ZFP36: variants seen among roughly 807,000 people sequenced by gnomAD.
ZFP36 encodes ZFP36 zinc finger CCCH-type, also known as mRNA decay activator protein ZFP36.
In ZFP36, 13 loss-of-function variants were observed where a neutral mutation model predicts 19.8. That is an observed-to-expected ratio of 0.66 (90% confidence interval 0.43 to 1.04). The LOEUF is 1.04. Ranked by LOEUF, ZFP36 falls within the 50% of genes least tolerant of loss-of-function variation. The probability of loss-of-function intolerance (pLI) is 0.00; values close to 1 mark genes in which losing one functional copy is unlikely to be tolerated. For synonymous variants in ZFP36, 191 were observed against 194.5 expected (o/e 0.98, Z 0.15); for missense variants, 354 against 441.6 (o/e 0.80, Z 1.78).
rs747038570 is a variant in ZFP36 at position 39,408,531 on chromosome 19, C to A, written c.813C>A (p.Thr271=). Residue 271 remains threonine, a synonymous_variant, in exon 2 of 2, where the codon ACC becomes ACA. Coordinates refer to ENST00000597629, the MANE Select transcript of ZFP36 (RefSeq NM_003407.5). This position sits in a 1 kb window ranked among gnomAD's most constrained non-coding sequence, Gnocchi z 6.0. ...VWGPLGGLVR[T]PSVQSLGSDP... ...GGCCCTTGGGTGGCCTGGTTCGGAC[C>A]CCCTCTGTACAGTCCCTGGGATCCG... 8 of 1,605,644 alleles carry A rather than the reference C, an allele frequency of 5.0e-6. No homozygotes were observed. The highest frequency in any genetic ancestry group is 6.0e-6 in the Non-Finnish European group (7 of 1,175,820).
In ZFP36 at chr19:39,408,180, CCGCTGCCCCTACGGCTCT is replaced by C; in HGVS notation, c.470_487del (p.Pro157_Cys162del). On this transcript the variant is annotated inframe_deletion, in exon 2 of 2. Coordinates refer to ENST00000597629, the MANE Select transcript of ZFP36 (RefSeq NM_003407.5). The surrounding 1 kb of genome is among the most constrained non-coding windows in gnomAD (Gnocchi z 6.0). ...TCTGTCACAAGTTCTACCTCCAGGG[CCGCTGCCCCTACGGCTCT>C]CGCTGCCACTTCATCCACAACCCTA... 1 of 1,613,944 alleles carries C rather than the reference CCGCTGCCCCTACGGCTCT, an allele frequency of 6.2e-7. No individual in the cohort carries two copies. The highest frequency in any genetic ancestry group is 8.5e-7 in the Non-Finnish European group (1 of 1,180,026).
At position 39,408,405 on chromosome 19, in the gene ZFP36, C is replaced by T. The variant is rs747036259; in HGVS notation, c.687C>T (p.Pro229=). 1.2e-5 allele frequency: 20 copies of T among 1,613,922 alleles called. No homozygotes were observed. The South Asian group carries it at 2.0e-4, about 16-fold the overall frequency. ...PPPPGDLPLS[P]SAFSAAPGTP... ...CACCTGGGGACCTTCCACTGTCACC[C>T]TCTGCCTTCTCTGCTGCCCCTGGCA... is the stretch of plus-strand genomic sequence containing the variant. The change falls in exon 2 of 2, where the codon CCC becomes CCT. Residue 229 remains proline (P), a synonymous_variant. Coordinates refer to ENST00000597629, the MANE Select transcript of ZFP36 (RefSeq NM_003407.5). This position sits in a 1 kb window ranked among gnomAD's most constrained non-coding sequence, Gnocchi z 6.0.
In ZFP36 at chr19:39,407,939, C is replaced by T; in HGVS notation, c.221C>T (p.Pro74Leu). ...AGCTGTGGCTGGGTGCCCCCACCCC[C>T]TGGCTTCGCACCGCTGGCTCCCCGC... The part of the protein sequence containing the change: ...GRSCGWVPPP[P>L]GFAPLAPRLG... The change falls in exon 2 of 2, where the codon CCT (proline) becomes CTT (leucine). Residue 74 changes from proline (P) to leucine (L), a missense_variant. Transcript: ENST00000597629. The surrounding 1 kb of genome is among the most constrained non-coding windows in gnomAD (Gnocchi z 7.6). 1.3e-6 allele frequency: 2 copies of T among 1,596,898 alleles called. No homozygotes were observed. The highest frequency in any genetic ancestry group is 2.2e-5 in the East Asian group (1 of 44,772).
rs1164319272 is a variant in ZFP36, at chr19:39,406,848, G to A, written c.-57G>A. ...TAGCCGGCTCTCGGTGCCAGCCTCA[G>A]CCTGACTTCAGCGCTCCCACTCTCG... On this transcript the variant is annotated 5_prime_UTR_variant, in exon 1 of 2. Coordinates refer to ENST00000597629, the MANE Select transcript of ZFP36 (RefSeq NM_003407.5). The A allele has an allele frequency of 3.9e-6, 6 of 1,536,674 alleles. No homozygotes were observed. The highest frequency in any genetic ancestry group is 5.3e-6 in the Non-Finnish European group (6 of 1,139,538).
chr19:39,408,061 AGT>A lies in ZFP36; in HGVS notation c.345_346del (p.Ser115ArgfsTer54). 1 of 1,613,916 alleles carries A rather than the reference AGT, an allele frequency of 6.2e-7. No individual in the cohort carries two copies. Among genetic ancestry groups the A allele is most frequent in the Non-Finnish European group, 8.5e-7 (1 of 1,180,008 alleles). ...TGAGCTATGTCGGACCTTCTCAGAG[AGT>A]GGGCGCTGCCGCTACGGGGCCAAGT... Reference protein sequence around the residue: ...KTELCRTFSESGRCRYGAKCQ... With the variant: ...KTELCRTFSEXGRCRYGAKCQ... On this transcript the variant is annotated frameshift_variant, in exon 2 of 2. Coordinates refer to ENST00000597629, the MANE Select transcript of ZFP36 (RefSeq NM_003407.5). LOFTEE classifies it high-confidence loss of function. The surrounding 1 kb of genome is among the most constrained non-coding windows in gnomAD (Gnocchi z 6.0).
chr19:39,408,074 G>A lies in ZFP36; in HGVS notation c.356G>A (p.Arg119His), dbSNP rs1373397055. 3 of 1,613,848 alleles carry A rather than the reference G, an allele frequency of 1.9e-6. No homozygotes were observed. Among genetic ancestry groups the A allele is most frequent in the South Asian group, 1.1e-5 (1 of 91,094 alleles). ...ACCTTCTCAGAGAGTGGGCGCTGCC[G>A]CTACGGGGCCAAGTGCCAGTTTGCC... Reference protein sequence around the residue: ...CRTFSESGRCRYGAKCQFAHG... With the variant: ...CRTFSESGRCHYGAKCQFAHG... The change falls in exon 2 of 2, where the codon CGC becomes CAC. Residue 119 changes from arginine to histidine, a missense_variant. By Grantham distance (29) the Arg-to-His change is conservative. Transcript: ENST00000597629. The surrounding 1 kb of genome is among the most constrained non-coding windows in gnomAD (Gnocchi z 6.0).
chr19:39,408,606 T>TC lies in ZFP36; in HGVS notation c.891dup (p.Val298ArgfsTer29). The TC allele has an allele frequency of 6.2e-7, 1 of 1,612,402 alleles. No individual in the cohort carries two copies. Among genetic ancestry groups the TC allele is most frequent in the Non-Finnish European group, 8.5e-7 (1 of 1,179,332 alleles). ...GCAGCAGCCTGGGGGGCTCTGACTC[T>TC]CCCGTCTTCGAGGCGGGAGTTTTTG... On this transcript the variant is annotated frameshift_variant, in exon 2 of 2. Coordinates refer to ENST00000597629, the MANE Select transcript of ZFP36 (RefSeq NM_003407.5). LOFTEE classifies it high-confidence loss of function. This position sits in a 1 kb window ranked among gnomAD's most constrained non-coding sequence, Gnocchi z 6.0.
Position 39,408,600 on chromosome 19 carries a change from T to C in ZFP36, c.882T>C (p.Ser294=), listed in dbSNP as rs1271907106. The change falls in exon 2 of 2, where the codon TCT becomes TCC. Residue 294 remains serine, a synonymous_variant. Coordinates refer to ENST00000597629, the MANE Select transcript of ZFP36 (RefSeq NM_003407.5). The surrounding 1 kb of genome is among the most constrained non-coding windows in gnomAD (Gnocchi z 6.0). ...YASSGSSLGG[S]DSPVFEAGVF... ...GCAGCGGCAGCAGCCTGGGGGGCTC[T>C]GACTCTCCCGTCTTCGAGGCGGGAG... 1 of 1,613,116 alleles carries C rather than the reference T, an allele frequency of 6.2e-7. No individual in the cohort carries two copies. Among genetic ancestry groups the C allele is most frequent in the South Asian group, 1.1e-5 (1 of 91,010 alleles).
Position 39,407,721 on chromosome 19 carries a change from C to T in ZFP36, c.25-22C>T, listed in dbSNP as rs200091452. 325 of 1,511,920 alleles carry T rather than the reference C, an allele frequency of 2.1e-4. No individual in the cohort carries two copies. Among genetic ancestry groups the T allele is most frequent in the Admixed American group, 2.9e-4 (13 of 45,196 alleles). 93.7% of individuals were successfully genotyped at this position (1,511,920 alleles called of 1,614,324 possible). ...GGCGTCGCCCTGCATTTTCAGGTGC[C>T]TTAACCGACCCATTTCCGCAGAGCC... On this transcript the variant is annotated intron_variant, in intron 1 of 1. Coordinates refer to ENST00000597629, the MANE Select transcript of ZFP36 (RefSeq NM_003407.5). This position sits in a 1 kb window ranked among gnomAD's most constrained non-coding sequence, Gnocchi z 7.6.
rs2078482474 is a variant in ZFP36, at chr19:39,407,375, C to T, written c.25-368C>T. The T allele has an allele frequency of 7.2e-6, 3 of 414,798 alleles. No homozygotes were observed. In the Admixed American group the frequency reaches 1.2e-4, roughly 17 times the overall value. 25.7% of individuals were successfully genotyped at this position (414,798 alleles called of 1,614,324 possible). A position where few individuals can be genotyped will look rare whatever the true frequency, so the allele number is the denominator to read the frequency against. On this transcript the variant is annotated intron_variant, in intron 1 of 1. Coordinates refer to ENST00000597629, the MANE Select transcript of ZFP36 (RefSeq NM_003407.5). This position sits in a 1 kb window ranked among gnomAD's most constrained non-coding sequence, Gnocchi z 7.6. ...AGAGAACCCTAAAACCGAAGCAATC[C>T]GGACTTCCAGGTCAACTTTGCCCGG...
chr19:39,407,993 C>G lies in ZFP36; in HGVS notation c.275C>G (p.Thr92Ser). The change falls in exon 2 of 2, where the codon ACT becomes AGT. Residue 92 changes from threonine to serine, a missense_variant. Thr to Ser is a moderately conservative substitution (Grantham distance 58). Coordinates refer to ENST00000597629, the MANE Select transcript of ZFP36 (RefSeq NM_003407.5). This position sits in a 1 kb window ranked among gnomAD's most constrained non-coding sequence, Gnocchi z 7.6. ...RLGPELSPSP[T>S]SPTATSTTPS... ...GGCCCTGAGCTGTCACCCTCACCCACTTCGCCCACTGCAACCTCCACCACC... is the reference window on the plus strand; with the variant it reads ...GGCCCTGAGCTGTCACCCTCACCCAGTTCGCCCACTGCAACCTCCACCACC... The G allele has an allele frequency of 5.0e-6, 8 of 1,610,434 alleles. No individual in the cohort carries two copies. Among genetic ancestry groups the G allele is most frequent in the Non-Finnish European group, 6.8e-6 (8 of 1,179,776 alleles).
Position 39,408,340 on chromosome 19 carries a change from C to T in ZFP36, c.622C>T (p.Leu208=), listed in dbSNP as rs757928964. ...ACCACCAGGCCTGGCCGGCCCTTCC[C>T]TGTCCTCCAGCTCCTTCTCGCCCTC... is the stretch of plus-strand genomic sequence containing the variant. ...PPPPGLAGPS[L]SSSSFSPSSS... Residue 208 remains leucine (L), a synonymous_variant, in exon 2 of 2, where the codon CTG becomes TTG. Coordinates refer to ENST00000597629, the MANE Select transcript of ZFP36 (RefSeq NM_003407.5). The surrounding 1 kb of genome is among the most constrained non-coding windows in gnomAD (Gnocchi z 6.0). 1 of 1,613,660 alleles carries T rather than the reference C, an allele frequency of 6.2e-7. No individual in the cohort carries two copies. The highest frequency in any genetic ancestry group is 1.7e-5 in the Admixed American group (1 of 60,020).
Position 39,406,861 on chromosome 19 carries a change from G to A in ZFP36, c.-44G>A. ...GTGCCAGCCTCAGCCTGACTTCAGC[G>A]CTCCCACTCTCGGCCGACACCCCTC... On this transcript the variant is annotated 5_prime_UTR_variant, in exon 1 of 2. Transcript: ENST00000597629. The A allele has an allele frequency of 2.5e-6, 4 of 1,585,870 alleles. No homozygotes were observed. Among genetic ancestry groups the A allele is most frequent in the Non-Finnish European group, 2.6e-6 (3 of 1,168,560 alleles).
Position 39,408,096 on chromosome 19 carries a change from TGCCCATGGCCTG to T in ZFP36, c.380_391del (p.Ala127_Leu130del). On this transcript the variant is annotated inframe_deletion, in exon 2 of 2. Coordinates refer to ENST00000597629, the MANE Select transcript of ZFP36 (RefSeq NM_003407.5). This position sits in a 1 kb window ranked among gnomAD's most constrained non-coding sequence, Gnocchi z 6.0. ...GCCGCTACGGGGCCAAGTGCCAGTTTGCCCATGGCCTGGGCGAGCTGCGCCAGGCCAATCGCC... is the reference window on the plus strand; with the variant it reads ...GCCGCTACGGGGCCAAGTGCCAGTTTGGCGAGCTGCGCCAGGCCAATCGCC... 6.2e-7 allele frequency: 1 copy of T among 1,613,968 alleles called. No individual in the cohort carries two copies. The highest frequency in any genetic ancestry group is 8.5e-7 in the Non-Finnish European group (1 of 1,180,032).
rs201045980 is a variant in ZFP36, at chr19:39,407,735, T to A, written c.25-8T>A. The A allele has an allele frequency of 1.2e-4, 179 of 1,521,318 alleles. No homozygotes were observed. The highest frequency in any genetic ancestry group is 1.5e-4 in the Non-Finnish European group (173 of 1,140,540). 94.2% of individuals were successfully genotyped at this position (1,521,318 alleles called of 1,614,324 possible). A position where few individuals can be genotyped will look rare whatever the true frequency, so the allele number is the denominator to read the frequency against. ...TTTTCAGGTGCCTTAACCGACCCAT[T>A]TCCGCAGAGCCTCCTGTCGCTGAGC... On this transcript the variant is annotated splice_polypyrimidine_tract_variant and splice_region_variant and intron_variant, in intron 1 of 1. Coordinates refer to ENST00000597629, the MANE Select transcript of ZFP36 (RefSeq NM_003407.5). This position sits in a 1 kb window ranked among gnomAD's most constrained non-coding sequence, Gnocchi z 7.6.
In ZFP36 at chr19:39,408,412, T is replaced by G; in HGVS notation, c.694T>G (p.Phe232Val). The G allele has an allele frequency of 6.2e-7, 1 of 1,613,870 alleles. No individual in the cohort carries two copies. The highest frequency in any genetic ancestry group is 1.3e-5 in the African/African-American group (1 of 75,038). ...PGDLPLSPSAFSAAPGTPLAR... is the reference protein window; with the variant it reads ...PGDLPLSPSAVSAAPGTPLAR... ...GGACCTTCCACTGTCACCCTCTGCC[T>G]TCTCTGCTGCCCCTGGCACCCCCCT... Residue 232 changes from phenylalanine to valine, a missense_variant, in exon 2 of 2, where the codon TTC (phenylalanine) becomes GTC (valine). Phe to Val is a conservative substitution (Grantham distance 50). Transcript: ENST00000597629. The surrounding 1 kb of genome is among the most constrained non-coding windows in gnomAD (Gnocchi z 6.0).
chr19:39,408,107 T>G lies in ZFP36; in HGVS notation c.389T>G (p.Leu130Arg), dbSNP rs1224436675. 6.2e-7 allele frequency: 1 copy of G among 1,613,920 alleles called. No homozygotes were observed. Among genetic ancestry groups the G allele is most frequent in the Admixed American group, 1.7e-5 (1 of 60,034 alleles). The change falls in exon 2 of 2, where the codon CTG (leucine) becomes CGG (arginine). Residue 130 changes from leucine to arginine, a missense_variant. Leu to Arg is a moderately radical substitution (Grantham distance 102). Coordinates refer to ENST00000597629, the MANE Select transcript of ZFP36 (RefSeq NM_003407.5). The surrounding 1 kb of genome is among the most constrained non-coding windows in gnomAD (Gnocchi z 6.0). ...YGAKCQFAHGLGELRQANRHP... is the reference protein window; with the variant it reads ...YGAKCQFAHGRGELRQANRHP... ...GCCAAGTGCCAGTTTGCCCATGGCC[T>G]GGGCGAGCTGCGCCAGGCCAATCGC...
chr19:39,407,014 G>C lies in ZFP36; in HGVS notation c.24+86G>C, dbSNP rs757417136. 3.9e-6 allele frequency: 6 copies of C among 1,531,568 alleles called. No individual in the cohort carries two copies. Among genetic ancestry groups the C allele is most frequent in the Non-Finnish European group, 5.3e-6 (6 of 1,132,454 alleles). 94.9% of individuals were successfully genotyped at this position (1,531,568 alleles called of 1,614,324 possible). On this transcript the variant is annotated intron_variant, in intron 1 of 1. Coordinates refer to ENST00000597629, the MANE Select transcript of ZFP36 (RefSeq NM_003407.5). The surrounding 1 kb of genome is among the most constrained non-coding windows in gnomAD (Gnocchi z 7.6). ...TCTAGCGCCGCAAACTCCAGCCCGGGACGCTTGCCTCCCTTCTCCAACTGG... is the reference window on the plus strand; with the variant it reads ...TCTAGCGCCGCAAACTCCAGCCCGGCACGCTTGCCTCCCTTCTCCAACTGG...
chr19:39,408,069 C>T lies in ZFP36; in HGVS notation c.351C>T (p.Arg117=), dbSNP rs1463993833. Residue 117 remains arginine (R), a synonymous_variant, in exon 2 of 2, where the codon CGC becomes CGT. Transcript: ENST00000597629. This position sits in a 1 kb window ranked among gnomAD's most constrained non-coding sequence, Gnocchi z 6.0. ...ELCRTFSESG[R]CRYGAKCQFA... ...GTCGGACCTTCTCAGAGAGTGGGCG[C>T]TGCCGCTACGGGGCCAAGTGCCAGT... 1 of 1,613,972 alleles carries T rather than the reference C, an allele frequency of 6.2e-7. No homozygotes were observed. The highest frequency in any genetic ancestry group is 8.5e-7 in the Non-Finnish European group (1 of 1,180,028).
Sources: gnomAD v4.1 joint callset for allele counts on GRCh38, gnomAD v4.1.1 for gene constraint, Gnocchi (gnomAD v3.1) non-coding constraint, MANE v1.5 for transcripts, NCBI Gene and HGNC (gene_info 2026-07-23, HGNC 2026-07-21) for gene names.